Variants in SLC4A7 observed in about 807,000 individuals in gnomAD.
The protein encoded by SLC4A7 is sodium bicarbonate cotransporter 3.
A neutral mutation model predicts 137.6 loss-of-function variants in SLC4A7; 51 were observed. The observed-to-expected ratio is 0.37, with a 90% confidence interval of 0.30 to 0.47. SLC4A7 has a LOEUF of 0.47. Among genes scored for constraint, SLC4A7 ranks in the 20% least tolerant of loss-of-function variants. The pLI, the probability that SLC4A7 is intolerant of heterozygous loss-of-function variation, is 1.00. For synonymous variants in SLC4A7, 542 were observed against 518.6 expected, an observed-to-expected ratio of 1.05 and a Z score of -0.61; for missense variants, 1,247 against 1,525.4, an observed-to-expected ratio of 0.82 and a Z score of 3.04.
At position 27,406,006 on chromosome 3, in the gene SLC4A7, G is replaced by A. The variant is rs576181408; in HGVS notation, c.1942-1043C>T. 4.6e-5 allele frequency among the ~76,000 whole-genome samples: 7 copies of A among 152,240 alleles called. No individual in the cohort carries two copies. The South Asian group carries it at 8.3e-4, about 18-fold the overall frequency. On this transcript the variant is annotated intron_variant, in intron 13 of 25. Transcript: ENST00000454389. ...ATAGTTTACCATATACAAACATCAA[G>A]GTCAACTGGAACGTACTATCCAGAA...
intron 1 of SLC4A7, among the ~76,000 whole-genome samples, chr3:27,472,118 C>G (rs2059271762): frequency 6.6e-6 from 1 of 152,222 alleles, no homozygotes; most frequent in Non-Finnish European, 1.5e-5. Context: ...AAAGAAAGCA[C>G]TGGCATGGTA....
chr3:27,448,304 G>A (rs1159705859), intron 3 of SLC4A7, among the ~76,000 whole-genome samples: 1 of 150,384 alleles, frequency 6.6e-6, no homozygotes, highest in Non-Finnish European at 1.5e-5. Flanking sequence ...CATTGCATAT[G>A]TAAGTAATTA....
At chr3:27,423,234 T>G (rs931797196) in intron 8 of SLC4A7, among the ~76,000 whole-genome samples, 6 of 152,186 alleles carry the variant, frequency 3.9e-5, no homozygotes, top group African/African-American at 7.2e-5. Flanking sequence ...CTAAAAGGCT[T>G]AAGAAATGAA....
chr3:27,382,930 T>G (rs2050570054), intron 24 of SLC4A7, among the ~76,000 whole-genome samples: 1 of 152,122 alleles, frequency 6.6e-6, no homozygotes, highest in Non-Finnish European at 1.5e-5. Context: ...GGCATGGAAG[T>G]TAGTTTAAGT....
chr3:27,391,922 C>T (rs1168532132), intron 20 of SLC4A7, 114 bp from the exon 21 acceptor site: 10 of 574,476 alleles, frequency 1.7e-5, no homozygotes, highest in African/African-American at 1.4e-4. Flanking sequence ...AGGATTAGAC[C>T]GACCTAACAT....
At chr3:27,392,166 G>A (rs916031862) in intron 20 of SLC4A7, among the ~76,000 whole-genome samples, 4 of 152,076 alleles carry the variant, frequency 2.6e-5, no homozygotes, top group Non-Finnish European at 4.4e-5. Context: ...TACATATTAA[G>A]CACACAAAAA....
At chr3:27,451,288 T>A (rs564041381) in intron 2 of SLC4A7, among the ~76,000 whole-genome samples, 2 of 152,118 alleles carry the variant, frequency 1.3e-5, no homozygotes, top group East Asian at 3.9e-4. Context: ...CACAGAAGAG[T>A]TTAACTTAAG....
At chr3:27,384,302 T>C (rs2050721042) in intron 23 of SLC4A7, among the ~76,000 whole-genome samples, 1 of 152,104 alleles carries the variant, frequency 6.6e-6, no homozygotes, top group Admixed American at 6.5e-5. Flanking sequence ...AACTTGACAA[T>C]ATGGTGAAGC....
chr3:27,378,178 A>T (rs1170864982), intron 25 of SLC4A7, among the ~76,000 whole-genome samples: 2 of 152,226 alleles, frequency 1.3e-5, no homozygotes, highest in East Asian at 3.8e-4. Context: ...AGAAATTAGA[A>T]CTCAGATGAC....
At chr3:27,443,384 G>A (rs1301705121) in intron 3 of SLC4A7, among the ~76,000 whole-genome samples, 1 of 151,960 alleles carries the variant, frequency 6.6e-6, no homozygotes, top group Non-Finnish European at 1.5e-5. Context: ...TCTAATACTG[G>A]TGATTTGTGG....
At chr3:27,424,985 CCAA>C (rs775781062) in intron 7 of SLC4A7, among the ~76,000 whole-genome samples, 6 of 152,182 alleles carry the variant, frequency 3.9e-5, no homozygotes, top group Non-Finnish European at 8.8e-5. Context: ...ACATTCAACA[CCAA>C]CATTTCGCAA....
intron 2 of SLC4A7, among the ~76,000 whole-genome samples, chr3:27,450,750 C>A (rs551015957): frequency 1.5e-3 from 227 of 152,174 alleles, no homozygotes; most frequent in Non-Finnish European, 2.4e-3. Flanking sequence ...TTACTATTGC[C>A]TCTAGTGTCC....
At chr3:27,469,163 C>T (rs2059132855) in intron 1 of SLC4A7, among the ~76,000 whole-genome samples, 1 of 152,008 alleles carries the variant, frequency 6.6e-6, no homozygotes, top group South Asian at 2.1e-4. Context: ...GGAAAAAACT[C>T]AAATCATTTT....
At chr3:27,443,334 A>G (rs2057364234) in intron 3 of SLC4A7, among the ~76,000 whole-genome samples, 1 of 151,898 alleles carries the variant, frequency 6.6e-6, no homozygotes, top group Admixed American at 6.6e-5. Flanking sequence ...TTGGCCCTCT[A>G]ATTAGTTTTC....
rs1040036461 is a variant in SLC4A7, at chr3:27,375,736, G to A, written c.*1028C>T. ...ATAAATATTTTAAAATAAAATCACA[G>A]GTAACAAGCTATTAAATGTAATCTA... On this transcript the variant is annotated 3_prime_UTR_variant, in exon 26 of 26. Transcript: ENST00000454389. 6.6e-6 allele frequency: 1 copy of A among 151,986 alleles called. No homozygotes were observed. 9.4% of individuals were successfully genotyped at this position (151,986 alleles called of 1,614,324 possible). A position where few individuals can be genotyped will look rare whatever the true frequency, so the allele number is the denominator to read the frequency against.
intron 1 of SLC4A7, among the ~76,000 whole-genome samples, chr3:27,475,066 C>T (rs1576674961): frequency 6.6e-6 from 1 of 152,078 alleles, no homozygotes. Flanking sequence ...GCCGAGATTG[C>T]ACCACTGCAC....
Position 27,452,433 on chromosome 3 carries a change from T to G in SLC4A7, c.126A>C (p.Glu42Asp). The G allele has an allele frequency of 6.2e-7, 1 of 1,603,926 alleles. No homozygotes were observed. The highest frequency in any genetic ancestry group is 8.5e-7 in the Non-Finnish European group (1 of 1,177,452). The change falls in exon 2 of 26, where the codon GAA (glutamate) becomes GAC (aspartate). Residue 42 changes from glutamate to aspartate, a missense_variant. Transcript: ENST00000454389. ...CCAACTTACTTTCTAGTTCTTCTTTTTCAAACTTGGTGTTCACAGTTGAGC... is the reference window on the plus strand; with the variant it reads ...CCAACTTACTTTCTAGTTCTTCTTTGTCAAACTTGGTGTTCACAGTTGAGC... The part of the protein sequence containing the change: ...KTSSTVNTKF[E>D]KEELESHRAV...
chr3:27,429,271 A>C (rs1024417485), intron 7 of SLC4A7, among the ~76,000 whole-genome samples: 3 of 151,194 alleles, frequency 2.0e-5, no homozygotes, highest in East Asian at 3.9e-4. Context: ...CATCTCCACA[A>C]AAAAAAAAGA....
intron 1 of SLC4A7, among the ~76,000 whole-genome samples, chr3:27,460,221 A>C (rs1401820345): frequency 6.6e-6 from 1 of 151,846 alleles, no homozygotes; most frequent in Non-Finnish European, 1.5e-5. Context: ...TTAAGTAGAG[A>C]CCAGGTTTCT....
Sources: allele counts gnomAD v4.1 joint callset (sites outside exome capture counted in the v4.1 genomes callset), GRCh38; gene constraint gnomAD v4.1.1; transcripts MANE v1.5; gene names NCBI Gene and HGNC (gene_info 2026-07-23, HGNC 2026-07-21).